The following ABRAXAS2 variants were observed in gnomAD, a reference collection of about 807,000 sequenced individuals.
ABRAXAS2 encodes the protein BRISC complex subunit Abraxas 2.
A neutral mutation model predicts 49.0 loss-of-function variants in ABRAXAS2; 23 were observed. That is an observed-to-expected ratio of 0.47 (90% CI 0.34 to 0.66). The LOEUF is 0.66. Ranked by LOEUF, ABRAXAS2 falls within the 30% of genes least tolerant of loss-of-function variation. ABRAXAS2 has a pLI of 0.01. For missense variants in ABRAXAS2, 443 were observed against 511.9 expected (o/e 0.87, Z 1.30); for synonymous variants, 168 against 180.2 (o/e 0.93, Z 0.54).
In ABRAXAS2 at chr10:124,828,834, A is replaced by G; in HGVS notation, c.537A>G (p.Pro179=). Residue 179 remains proline, a synonymous_variant, in exon 6 of 9, where the codon CCA becomes CCG. Transcript: ENST00000298492. ...AAGAGTACAAAGTGTCTTCAGTGCCAAATACTTCTCAGAGTTATGCCAAAG... is the reference window on the plus strand; with the variant it reads ...AAGAGTACAAAGTGTCTTCAGTGCCGAATACTTCTCAGAGTTATGCCAAAG... ...SQQEYKVSSV[P]NTSQSYAKVI... The G allele has an allele frequency of 6.2e-7, 1 of 1,614,024 alleles. No individual in the cohort carries two copies. The highest frequency in any genetic ancestry group is 1.1e-5 in the South Asian group (1 of 91,078).
At chr10:124,814,486 G>A (rs1950811045) in intron 2 of ABRAXAS2, among the ~76,000 whole-genome samples, 1 of 151,412 alleles carries the variant, frequency 6.6e-6, no homozygotes, top group Non-Finnish European at 1.5e-5. Context: ...CAAGTAGCTG[G>A]GATTACAGGT....
rs188494648 is a variant in ABRAXAS2, at chr10:124,816,510, A to G, written c.164-66A>G. 1,029 of 1,135,018 alleles carry G rather than the reference A, an allele frequency of 9.1e-4. 15 individuals carry two copies. Among genetic ancestry groups the G allele is most frequent in the Non-Finnish European group, 3.8e-5 (29 of 771,924 alleles). 70.3% of individuals were successfully genotyped at this position (1,135,018 alleles called of 1,614,324 possible). On this transcript the variant is annotated intron_variant, in intron 2 of 8. Transcript: ENST00000298492. ...ATTTTGATTAAAAAAAAAAGTCCTG[A>G]GCTATTTTATAGTTGCCTATGTCTT...
At chr10:124,813,601 T>C (rs1950805023) in intron 2 of ABRAXAS2, among the ~76,000 whole-genome samples, 1 of 152,256 alleles carries the variant, frequency 6.6e-6, no homozygotes, top group Non-Finnish European at 1.5e-5. Flanking sequence ...TCCAGAGGTT[T>C]ACCTGTCAGT....
chr10:124,831,468 G>A lies in ABRAXAS2; in HGVS notation c.778+5G>A. 1 of 1,457,674 alleles carries A rather than the reference G, an allele frequency of 6.9e-7. No homozygotes were observed. Among genetic ancestry groups the A allele is most frequent in the Non-Finnish European group, 9.6e-7 (1 of 1,041,142 alleles). 90.3% of individuals were successfully genotyped at this position (1,457,674 alleles called of 1,614,324 possible). A position where few individuals can be genotyped will look rare whatever the true frequency, so the allele number is the denominator to read the frequency against. On this transcript the variant is annotated splice_donor_5th_base_variant and intron_variant, in intron 8 of 8. Transcript: ENST00000298492. ...ATGAAAAGGAACAAGAAAGAAGTAA[G>A]TTTCTTATTAATTTTACCATTCAGT...
In ABRAXAS2 at chr10:124,834,547, T is replaced by C. The variant is rs1041019384; in HGVS notation, c.824T>C (p.Leu275Ser). ...AGCAGACAGATGCCGTCTGAAAGCT[T>C]GGACCCAGCGTTCAGTCCTCGGATG... ...VLSRQMPSES[L>S]DPAFSPRMPS... The change falls in exon 9 of 9, where the codon TTG (leucine) becomes TCG (serine). Residue 275 changes from leucine to serine, a missense_variant. Leu to Ser is a moderately radical substitution (Grantham distance 145). This residue lies in a region of ABRAXAS2 where 230 missense variants were observed against 237.0 expected (regional missense o/e 0.97). Coordinates refer to ENST00000298492, the MANE Select transcript of ABRAXAS2 (RefSeq NM_032182.4). 2.5e-6 allele frequency: 4 copies of C among 1,614,066 alleles called. No individual in the cohort carries two copies. The highest frequency in any genetic ancestry group is 2.7e-5 in the African/African-American group (2 of 74,920).
intron 4 of ABRAXAS2, among the ~76,000 whole-genome samples, chr10:124,822,430 GA>G (rs1246644097): frequency 6.6e-6 from 1 of 152,002 alleles, no homozygotes; most frequent in Non-Finnish European, 1.5e-5. Flanking sequence ...GATGAAGGAA[GA>G]ATTTATTTGA....
At chr10:124,826,293 A>G (rs1950895512) in intron 4 of ABRAXAS2, among the ~76,000 whole-genome samples, 1 of 152,078 alleles carries the variant, frequency 6.6e-6, no homozygotes, top group African/African-American at 2.4e-5. Context: ...ATTTTCTAGA[A>G]TTTTGTACAA....
At chr10:124,831,552 T>G in intron 8 of ABRAXAS2, 89 bp downstream of exon 8, 1 of 679,384 alleles carries the variant, frequency 1.5e-6, no homozygotes, top group Non-Finnish European at 2.4e-6. Flanking sequence ...ATGTGCCTCT[T>G]TCTACGCTCA....
Position 124,826,786 on chromosome 10 carries a change from G to T in ABRAXAS2, c.458+1G>T. ...ATGTGCTCTTCAGACCAAATAGAAGGTAAAGCTTGCTTTTCCATCTGCCTC... is the reference window on the plus strand; with the variant it reads ...ATGTGCTCTTCAGACCAAATAGAAGTTAAAGCTTGCTTTTCCATCTGCCTC... On this transcript the variant is annotated splice_donor_variant, in intron 5 of 8. Coordinates refer to ENST00000298492, the MANE Select transcript of ABRAXAS2 (RefSeq NM_032182.4). LOFTEE classifies it high-confidence loss of function. 6.2e-7 allele frequency: 1 copy of T among 1,613,454 alleles called. No individual in the cohort carries two copies. The highest frequency in any genetic ancestry group is 8.5e-7 in the Non-Finnish European group (1 of 1,179,512).
intron 2 of ABRAXAS2, among the ~76,000 whole-genome samples, chr10:124,810,328 C>T (rs1049144952): frequency 6.6e-6 from 1 of 152,118 alleles, no homozygotes; most frequent in Non-Finnish European, 1.5e-5. Context: ...GAGTTCAAGA[C>T]CAGCCTGGGC....
intron 3 of ABRAXAS2, among the ~76,000 whole-genome samples, chr10:124,816,943 G>A: frequency 6.6e-6 from 1 of 152,176 alleles, no homozygotes; most frequent in East Asian, 1.9e-4. Flanking sequence ...CTTTAAAAAT[G>A]TAAGAAAAAG....
chr10:124,827,115 G>T (rs1472623899), intron 5 of ABRAXAS2, among the ~76,000 whole-genome samples: 1 of 149,450 alleles, frequency 6.7e-6, no homozygotes, highest in Non-Finnish European at 1.5e-5. Context: ...AAGGATGTTG[G>T]TACAAGTCAC....
rs542800378 is a variant in ABRAXAS2, at chr10:124,835,954, C to T, written c.*983C>T. The T allele has an allele frequency of 6.5e-6, 1 of 152,702 alleles. No homozygotes were observed. Among genetic ancestry groups the T allele is most frequent in the East Asian group, 1.9e-4 (1 of 5,190 alleles). 9.5% of individuals were successfully genotyped at this position (152,702 alleles called of 1,614,324 possible). A position where few individuals can be genotyped will look rare whatever the true frequency, so the allele number is the denominator to read the frequency against. ...TTCATTTTCAAGCTGAATAACCATA[C>T]TTATTTTATTTTAAGTTGCCATTTG... On this transcript the variant is annotated 3_prime_UTR_variant, in exon 9 of 9. Coordinates refer to ENST00000298492, the MANE Select transcript of ABRAXAS2 (RefSeq NM_032182.4).
chr10:124,805,612 G>A (rs561688811), intron 1 of ABRAXAS2, among the ~76,000 whole-genome samples: 1 of 152,264 alleles, frequency 6.6e-6, no homozygotes, highest in South Asian at 2.1e-4. Flanking sequence ...TCTGGCAAGG[G>A]ATAATAAATG....
chr10:124,805,975 A>T (rs1950739673), intron 1 of ABRAXAS2, among the ~76,000 whole-genome samples: 1 of 152,200 alleles, frequency 6.6e-6, no homozygotes. Flanking sequence ...GCCCTCCAAA[A>T]GTGTAAATAA....
chr10:124,830,710 T>C (rs1321376255), intron 7 of ABRAXAS2, among the ~76,000 whole-genome samples: 1 of 152,248 alleles, frequency 6.6e-6, no homozygotes, highest in Admixed American at 6.5e-5. Context: ...GGAAAATAGC[T>C]TTTTGTCCTG....
intron 8 of ABRAXAS2, among the ~76,000 whole-genome samples, chr10:124,833,258 G>A (rs1564926485): frequency 6.6e-6 from 1 of 151,480 alleles, no homozygotes; most frequent in Admixed American, 6.6e-5. Flanking sequence ...CTGGTGCCCA[G>A]GAGTTCAAGA....
intron 2 of ABRAXAS2, among the ~76,000 whole-genome samples, chr10:124,810,940 C>T (rs1950782877): frequency 6.6e-6 from 1 of 150,752 alleles, no homozygotes; most frequent in African/African-American, 2.4e-5. Context: ...CCTAAAACAG[C>T]CGGGCGTGGT....
chr10:124,809,973 G>A (rs939196300), intron 2 of ABRAXAS2, among the ~76,000 whole-genome samples: 1 of 151,984 alleles, frequency 6.6e-6, no homozygotes, highest in Non-Finnish European at 1.5e-5. Flanking sequence ...GGCTGGTCTC[G>A]AACTCTCGAC....
Sources: gnomAD v4.1 joint callset for allele counts (sites outside exome capture counted in the v4.1 genomes callset) on GRCh38, gnomAD v4.1.1 for gene constraint, gnomAD v4.1.1 regional missense constraint, MANE v1.5 for transcripts, NCBI Gene and HGNC (gene_info 2026-07-23, HGNC 2026-07-21) for gene names.